The following MTA1 variants were observed in gnomAD, a reference collection of about 807,000 sequenced individuals.
The protein encoded by MTA1 is metastasis associated 1, also known as metastasis-associated protein MTA1.
MTA1 carries 15 observed loss-of-function variants against 97.0 expected under a neutral mutation model. That is an observed-to-expected ratio of 0.15 (90% CI 0.10 to 0.24). MTA1 has a LOEUF of 0.24. Among genes scored for constraint, MTA1 ranks in the 10% least tolerant of loss-of-function variants. The pLI, the probability that MTA1 is intolerant of heterozygous loss-of-function variation, is 1.00. For synonymous variants in MTA1, 435 were observed against 417.5 expected (o/e 1.04, Z -0.51); for missense variants, 709 against 1,015.1 (o/e 0.70, Z 4.10).
chr14:105,461,514 G>A (rs1206273363), intron 10 of MTA1, among the ~76,000 whole-genome samples: 2 of 152,186 alleles, frequency 1.3e-5, no homozygotes, highest in African/African-American at 2.4e-5. Context: ...CCCTATGTGG[G>A]GGTGGTGGGG....
rs1239354960 is a variant in MTA1, at chr14:105,463,365, G to T, written c.1017+107G>T. Reference sequence around the variant, plus strand: ...ACTGCTGCAGCAGGAGGGGAAGGAAGACTCCTGAGTCCCTGGCCCGGCTGT... The same window carrying T: ...ACTGCTGCAGCAGGAGGGGAAGGAATACTCCTGAGTCCCTGGCCCGGCTGT... On this transcript the variant is annotated intron_variant, in intron 11 of 20. Coordinates refer to ENST00000331320, the MANE Select transcript of MTA1 (RefSeq NM_004689.4). The surrounding 1 kb of genome is among the most constrained non-coding windows in gnomAD (Gnocchi z 5.9). The T allele has an allele frequency of 6.7e-7, 1 of 1,495,818 alleles. No individual in the cohort carries two copies. The highest frequency in any genetic ancestry group is 9.3e-7 in the Non-Finnish European group (1 of 1,077,008). 92.7% of individuals were successfully genotyped at this position (1,495,818 alleles called of 1,614,324 possible).
In MTA1 at chr14:105,470,423, C is replaced by A; in HGVS notation, c.*208C>A. The A allele has an allele frequency of 2.0e-6, 1 of 500,192 alleles. No individual in the cohort carries two copies. Among genetic ancestry groups the A allele is most frequent in the Non-Finnish European group, 3.4e-6 (1 of 296,136 alleles). 31.0% of individuals were successfully genotyped at this position (500,192 alleles called of 1,614,324 possible). A position where few individuals can be genotyped will look rare whatever the true frequency, so the allele number is the denominator to read the frequency against. On this transcript the variant is annotated 3_prime_UTR_variant, in exon 21 of 21. Coordinates refer to ENST00000331320, the MANE Select transcript of MTA1 (RefSeq NM_004689.4). ...AATGCCGAGGAGTTGTCGTTTTTAGCTTTGTGTTTACTTTTTGGCTGGAGC... is the reference window on the plus strand; with the variant it reads ...AATGCCGAGGAGTTGTCGTTTTTAGATTTGTGTTTACTTTTTGGCTGGAGC...
chr14:105,470,285 C>G lies in MTA1; in HGVS notation c.*70C>G. The G allele has an allele frequency of 7.6e-7, 1 of 1,310,350 alleles. No homozygotes were observed. The highest frequency in any genetic ancestry group is 9.8e-7 in the Non-Finnish European group (1 of 1,016,506). The allele number at this position is 1,310,350 out of a possible 1,614,324, so 81.2% of individuals were successfully genotyped here. ...CACGGCCCCTTCCCAGCCAGCCCGC[C>G]GCCCGCCCCTCAGTTTGGTAGTGCC... On this transcript the variant is annotated 3_prime_UTR_variant, in exon 21 of 21. Coordinates refer to ENST00000331320, the MANE Select transcript of MTA1 (RefSeq NM_004689.4).
intron 3 of MTA1, chr14:105,445,845 C>G (rs1344728177): frequency 2.5e-6 from 1 of 402,340 alleles, no homozygotes. Context: ...TGGAGACTTT[C>G]CAGGCTGGTG....
At chr14:105,426,183 A>C (rs80125186) in intron 1 of MTA1, among the ~76,000 whole-genome samples, 9,885 of 152,010 alleles carry the variant, frequency 0.065, 1,049 homozygotes, top group African/African-American at 0.22. Context: ...CATGGAGGGG[A>C]CCACGCGTCC....
intron 1 of MTA1, among the ~76,000 whole-genome samples, chr14:105,421,897 C>G (rs1286214889): frequency 6.6e-6 from 1 of 152,228 alleles, no homozygotes; most frequent in African/African-American, 2.4e-5. Context: ...CCTCACTGAC[C>G]CACGCACTCC....
chr14:105,469,828 A>C lies in MTA1; in HGVS notation c.1846-13A>C, dbSNP rs1595438442. The C allele has an allele frequency of 6.3e-7, 1 of 1,597,004 alleles. No homozygotes were observed. Among genetic ancestry groups the C allele is most frequent in the East Asian group, 2.3e-5 (1 of 43,800 alleles). Reference sequence around the variant, plus strand: ...CCTTGGCTGGCTGCCCAGGAAGTGCACCCCCTCTGCAGGGACCAAGCCGGA... The same window carrying C: ...CCTTGGCTGGCTGCCCAGGAAGTGCCCCCCCTCTGCAGGGACCAAGCCGGA... On this transcript the variant is annotated splice_polypyrimidine_tract_variant and intron_variant, in intron 19 of 20. Transcript: ENST00000331320.
At chr14:105,458,900 G>A (rs1420476992) in intron 8 of MTA1, among the ~76,000 whole-genome samples, 4 of 152,214 alleles carry the variant, frequency 2.6e-5, no homozygotes, top group Admixed American at 6.5e-5. Flanking sequence ...GCCCTACTCC[G>A]CAGCCTGGGG....
chr14:105,441,509 CAG>C (rs782154669), intron 2 of MTA1, among the ~76,000 whole-genome samples: 7 of 152,208 alleles, frequency 4.6e-5, no homozygotes, highest in Non-Finnish European at 8.8e-5. Context: ...AAATTGAACT[CAG>C]AGGCTGGACG....
At chr14:105,439,742 C>T (rs1242312594) in intron 2 of MTA1, among the ~76,000 whole-genome samples, 3 of 152,118 alleles carry the variant, frequency 2.0e-5, no homozygotes, top group Middle Eastern at 3.2e-3. Context: ...CCCCCGATCC[C>T]CTGGAGCCAG....
At position 105,438,654 on chromosome 14, in the gene MTA1, C is replaced by G; in HGVS notation, c.29-18C>G. ...CCTTTGGTGCCACAGGTGGCACTCT[C>G]TCTGTTGCTGTTTGCAGACTACGTC... On this transcript the variant is annotated intron_variant, in intron 1 of 20. Transcript: ENST00000331320. 1 of 1,613,190 alleles carries G rather than the reference C, an allele frequency of 6.2e-7. No homozygotes were observed. Among genetic ancestry groups the G allele is most frequent in the Non-Finnish European group, 8.5e-7 (1 of 1,179,594 alleles).
At chr14:105,439,504 G>A (rs1555425197) in intron 2 of MTA1, among the ~76,000 whole-genome samples, 1 of 152,190 alleles carries the variant, frequency 6.6e-6, no homozygotes, top group African/African-American at 2.4e-5. Flanking sequence ...GCCGTAGATG[G>A]CCATGGAGGT....
At chr14:105,436,370 CT>C (rs1251241403) in intron 1 of MTA1, among the ~76,000 whole-genome samples, 2 of 152,192 alleles carry the variant, frequency 1.3e-5, no homozygotes, top group Non-Finnish European at 2.9e-5. Flanking sequence ...TGCCTTCTTG[CT>C]TTATTTGTCC....
At chr14:105,458,135 A>T (rs1301984006) in intron 7 of MTA1, 135 bp from the exon 8 acceptor site, 5 of 682,396 alleles carry the variant, frequency 7.3e-6, no homozygotes, top group Non-Finnish European at 1.3e-5. Flanking sequence ...CCAGCCTTGC[A>T]CCCTGGCCTC....
chr14:105,429,930 T>A (rs1555423054), intron 1 of MTA1, among the ~76,000 whole-genome samples: 1 of 151,344 alleles, frequency 6.6e-6, no homozygotes, highest in African/African-American at 2.4e-5. Flanking sequence ...CTAATTTTTT[T>A]ATTTTTAGTA....
At chr14:105,430,712 C>T (rs955766026) in intron 1 of MTA1, among the ~76,000 whole-genome samples, 29 of 152,132 alleles carry the variant, frequency 1.9e-4, no homozygotes, top group African/African-American at 7.0e-4. Context: ...TGGGTCCTCT[C>T]GTACAGGGAT....
intron 2 of MTA1, among the ~76,000 whole-genome samples, chr14:105,442,275 T>C (rs1482191184): frequency 6.6e-6 from 1 of 152,198 alleles, no homozygotes; most frequent in Non-Finnish European, 1.5e-5. Context: ...CCAAGCTCCA[T>C]CTCCCGGAAG....
At chr14:105,444,954 G>A (rs1006046325) in intron 2 of MTA1, among the ~76,000 whole-genome samples, 2 of 152,222 alleles carry the variant, frequency 1.3e-5, no homozygotes, top group Non-Finnish European at 2.9e-5. Flanking sequence ...ACTTGGAGAC[G>A]TTTGTCAGCC....
intron 6 of MTA1, among the ~76,000 whole-genome samples, chr14:105,452,339 C>T (rs1221763295): frequency 6.6e-6 from 1 of 152,240 alleles, no homozygotes; most frequent in Non-Finnish European, 1.5e-5. Flanking sequence ...AGGCCCTGAC[C>T]AGTGGCGCAG....
Sources: allele counts gnomAD v4.1 joint callset (sites outside exome capture counted in the v4.1 genomes callset), GRCh38; gene constraint gnomAD v4.1.1; non-coding constraint Gnocchi (gnomAD v3.1); transcripts MANE v1.5; gene names NCBI Gene and HGNC (gene_info 2026-07-23, HGNC 2026-07-21).